Variants in PCDHGA1 observed in about 807,000 individuals in gnomAD.
PCDHGA1 encodes protocadherin gamma-A1.
PCDHGA1 carries 32 observed loss-of-function variants against 58.0 expected under a neutral mutation model. The ratio of observed to expected loss-of-function variants is 0.55; its 90% confidence interval spans 0.42 to 0.74. The LOEUF (loss-of-function observed/expected upper bound fraction) is 0.74, where lower values mean the gene tolerates loss of function less well. Among genes scored for constraint, PCDHGA1 ranks in the 30% least tolerant of loss-of-function variants. The pLI is 0.00. For missense variants in PCDHGA1, 1,205 were observed against 1,182.3 expected, an observed-to-expected ratio of 1.02 and a Z score of -0.28; for synonymous variants, 498 against 501.1, an observed-to-expected ratio of 0.99 and a Z score of 0.08.
At chr5:141,339,953 C>G in intron 1 of PCDHGA1, 1 of 1,614,142 alleles carries the variant, frequency 6.2e-7, no homozygotes, top group Non-Finnish European at 8.5e-7. Context: ...TCCGGGCCTT[C>G]TAACCAGAGC....
At chr5:141,356,992 T>C (rs1339051627) in intron 1 of PCDHGA1, 2 of 1,614,090 alleles carry the variant, frequency 1.2e-6, no homozygotes, top group Non-Finnish European at 1.7e-6. Context: ...GGACAGAGAC[T>C]CAGGTCAGAA....
rs746359413 is a variant in PCDHGA1, at chr5:141,330,864, A to C, written c.180A>C (p.Ala60=). ...TAGGGCTGCAACCCCAGGAGCTGGCAGATGGCGGAGTCCGCATCGTCTCCA... is the reference window on the plus strand; with the variant it reads ...TAGGGCTGCAACCCCAGGAGCTGGCCGATGGCGGAGTCCGCATCGTCTCCA... ...KDLGLQPQEL[A]DGGVRIVSRG... The change falls in exon 1 of 4, where the codon GCA becomes GCC. Residue 60 remains alanine, a synonymous_variant. Coordinates refer to ENST00000517417, the MANE Select transcript of PCDHGA1 (RefSeq NM_018912.3). 22 of 1,614,260 alleles carry C rather than the reference A, an allele frequency of 1.4e-5. No individual in the cohort carries two copies. The highest frequency in any genetic ancestry group is 8.3e-5 in the Admixed American group (5 of 60,030).
chr5:141,418,236 T>C, intron 1 of PCDHGA1: 8 of 1,614,030 alleles, frequency 5.0e-6, no homozygotes, highest in Non-Finnish European at 6.8e-6. Flanking sequence ...ATTGAGGATG[T>C]TAATGACCAC....
chr5:141,469,314 C>T (rs982242861), intron 1 of PCDHGA1, among the ~76,000 whole-genome samples: 3 of 152,100 alleles, frequency 2.0e-5, no homozygotes, highest in Admixed American at 1.3e-4. Context: ...CGATGGCTCA[C>T]GCCTGTAATC....
chr5:141,444,524 A>G (rs563709940), intron 1 of PCDHGA1, among the ~76,000 whole-genome samples: 47 of 152,224 alleles, frequency 3.1e-4, no homozygotes, highest in African/African-American at 1.1e-3. Context: ...AGTAGGTGAG[A>G]CAGTGACTGT....
At chr5:141,507,557 C>T (rs959957585) in intron 3 of PCDHGA1, among the ~76,000 whole-genome samples, 5 of 152,250 alleles carry the variant, frequency 3.3e-5, no homozygotes, top group Middle Eastern at 3.4e-3. Flanking sequence ...AAGTGGCAGG[C>T]GGCTGGGTCT....
In PCDHGA1 at chr5:141,422,867, T is replaced by C. The variant is rs116031289; in HGVS notation, c.2422-71940T>C. On this transcript the variant is annotated intron_variant, in intron 1 of 3. Coordinates refer to ENST00000517417, the MANE Select transcript of PCDHGA1 (RefSeq NM_018912.3). Reference sequence around the variant, plus strand: ...GGGGACCCGCCCCTCAGCAGCAACGTGTCGCTGAGCCTGTTCGTGCTGGAC... The same window carrying C: ...GGGGACCCGCCCCTCAGCAGCAACGCGTCGCTGAGCCTGTTCGTGCTGGAC... 1.5e-3 allele frequency: 2,464 copies of C among 1,614,218 alleles called. 37 individuals are homozygous for C. In the African/African-American group the frequency reaches 0.029, roughly 19 times the overall value.
At chr5:141,393,622 A>G (rs776047060) in intron 1 of PCDHGA1, 2 of 1,613,960 alleles carry the variant, frequency 1.2e-6, no homozygotes, top group Non-Finnish European at 1.7e-6. Flanking sequence ...AGCGACCCGG[A>G]TGAGGGAATC....
chr5:141,415,206 G>A, intron 1 of PCDHGA1: 4 of 1,614,054 alleles, frequency 2.5e-6, no homozygotes, highest in African/African-American at 1.3e-5. Flanking sequence ...AAGTCCTGGC[G>A]GACCTCGGCA....
chr5:141,448,706 C>G (rs1344013319), intron 1 of PCDHGA1, among the ~76,000 whole-genome samples: 1 of 151,732 alleles, frequency 6.6e-6, no homozygotes, highest in African/African-American at 2.4e-5. Context: ...TTTGGGAGGC[C>G]GAGGCGGGAG....
rs2099394683 is a variant in PCDHGA1, at chr5:141,476,602, C to G, written c.2422-18205C>G. 2.5e-6 allele frequency: 4 copies of G among 1,614,208 alleles called. No individual in the cohort carries two copies. The highest frequency in any genetic ancestry group is 2.2e-5 in the East Asian group (1 of 44,862). Reference sequence around the variant, plus strand: ...TTCCGCTCGAGAGCGCGCACGATCCCGATGTGGGAAGCAACTCTTTACAAA... The same window carrying G: ...TTCCGCTCGAGAGCGCGCACGATCCGGATGTGGGAAGCAACTCTTTACAAA... On this transcript the variant is annotated intron_variant, in intron 1 of 3. Transcript: ENST00000517417. This position sits in a 1 kb window ranked among gnomAD's most constrained non-coding sequence, Gnocchi z 7.6.
rs758409280 is a variant in PCDHGA1, at chr5:141,366,109, G to A, written c.2421+33004G>A. ...GCTACCTGGTGACCAAGGTGGTAGC[G>A]GTGGACAAAGATTCAGGCCAGAACG... On this transcript the variant is annotated intron_variant, in intron 1 of 3. Transcript: ENST00000517417. 1.4e-5 allele frequency: 23 copies of A among 1,614,104 alleles called. No individual in the cohort carries two copies. The Admixed American group carries it at 2.2e-4, about 15-fold the overall frequency.
intron 1 of PCDHGA1, among the ~76,000 whole-genome samples, chr5:141,456,969 A>G (rs2098901241): frequency 1.4e-5 from 2 of 147,268 alleles, no homozygotes; most frequent in Non-Finnish European, 3.1e-5. Flanking sequence ...TCTCAAAACA[A>G]AACAAACAAA....
Position 141,487,399 on chromosome 5 carries a change from G to A in PCDHGA1, c.2422-7408G>A. 1.2e-6 allele frequency: 2 copies of A among 1,614,140 alleles called. No homozygotes were observed. Among genetic ancestry groups the A allele is most frequent in the South Asian group, 1.1e-5 (1 of 91,088 alleles). On this transcript the variant is annotated intron_variant, in intron 1 of 3. Coordinates refer to ENST00000517417, the MANE Select transcript of PCDHGA1 (RefSeq NM_018912.3). The surrounding 1 kb of genome is among the most constrained non-coding windows in gnomAD (Gnocchi z 5.0). ...TCACCAGATCTCGAAGGAGGGAGGGGCTTCCCCCTTCCAATGGGATCCTCC... is the reference window on the plus strand; with the variant it reads ...TCACCAGATCTCGAAGGAGGGAGGGACTTCCCCCTTCCAATGGGATCCTCC...
intron 2 of PCDHGA1, among the ~76,000 whole-genome samples, chr5:141,497,671 C>T (rs1026356633): frequency 6.6e-5 from 10 of 151,878 alleles, no homozygotes; most frequent in African/African-American, 2.4e-4. Flanking sequence ...TCCCGAGTAG[C>T]TGGGACAGCA....
intron 1 of PCDHGA1, chr5:141,405,386 T>C (rs2094651618): frequency 6.9e-6 from 11 of 1,595,500 alleles, no homozygotes; most frequent in Non-Finnish European, 7.7e-6. Flanking sequence ...GGTGAGTTCA[T>C]TTTTTTTCTT....
rs2154584583 is a variant in PCDHGA1, at chr5:141,490,717, A to G, written c.2422-4090A>G. The G allele has an allele frequency of 6.2e-7, 1 of 1,613,972 alleles. No individual in the cohort carries two copies. Among genetic ancestry groups the G allele is most frequent in the Non-Finnish European group, 8.5e-7 (1 of 1,179,936 alleles). On this transcript the variant is annotated intron_variant, in intron 1 of 3. Coordinates refer to ENST00000517417, the MANE Select transcript of PCDHGA1 (RefSeq NM_018912.3). The surrounding 1 kb of genome is among the most constrained non-coding windows in gnomAD (Gnocchi z 5.4). ...GGATAATGCCCGCCTCACCTACTCC[A>G]TTGTAGGAAATCAGGTTCAGGGAGC...
chr5:141,423,970 A>C, intron 1 of PCDHGA1: 1 of 1,143,228 alleles, frequency 8.7e-7, no homozygotes, highest in Non-Finnish European at 1.1e-6. Flanking sequence ...TTCTATTATC[A>C]GTGTATGAGG....
At position 141,389,253 on chromosome 5, in the gene PCDHGA1, G is replaced by T. The variant is rs998614321; in HGVS notation, c.2421+56148G>T. The stretch of plus-strand genomic sequence containing the variant: ...GGTTTTCTCACAGTCTTCCTATATA[G>T]TCCACGTGGCCGAGAACAACCCGCC... On this transcript the variant is annotated intron_variant, in intron 1 of 3. Transcript: ENST00000517417. 1.9e-6 allele frequency: 3 copies of T among 1,613,892 alleles called. No homozygotes were observed. The highest frequency in any genetic ancestry group is 2.5e-6 in the Non-Finnish European group (3 of 1,179,902).
Sources: gnomAD v4.1 joint callset for allele counts (sites outside exome capture counted in the v4.1 genomes callset) on GRCh38, gnomAD v4.1.1 for gene constraint, Gnocchi (gnomAD v3.1) non-coding constraint, MANE v1.5 for transcripts, NCBI Gene and HGNC (gene_info 2026-07-23, HGNC 2026-07-21) for gene names.